Variants in VPS37A observed in about 807,000 individuals in gnomAD.
The protein encoded by VPS37A is VPS37A subunit of ESCRT-I.
In VPS37A, 30 loss-of-function variants were observed where a neutral mutation model predicts 49.8. That is an observed-to-expected ratio of 0.60 (90% confidence interval 0.45 to 0.82). VPS37A has a LOEUF of 0.82. Ranked by LOEUF, VPS37A falls within the 40% of genes least tolerant of loss-of-function variation. The probability of loss-of-function intolerance (pLI) is 0.00; values close to 1 mark genes in which losing one functional copy is unlikely to be tolerated. For synonymous variants in VPS37A, 195 were observed against 160.6 expected (o/e 1.21, Z -1.62); for missense variants, 593 against 464.4 (o/e 1.28, Z -2.55).
chr8:17,331,418 C>G, the VPS37A span: 1 of 892,472 alleles, frequency 1.1e-6, no homozygotes, highest in African/African-American at 1.7e-5. Context: ...ATTTGAATCA[C>G]TGCAACCTTG....
At chr8:17,301,353 G>A (rs1441790708), downstream of VPS37A, among the ~76,000 whole-genome samples, 1 of 152,188 alleles carries the variant, frequency 6.6e-6, no homozygotes, top group Non-Finnish European at 1.5e-5. Flanking sequence ...CATTTTAACA[G>A]GACTGTGAAA....
chr8:17,265,694 C>T (rs554290281), intron 1 of VPS37A: 41 of 1,326,990 alleles, frequency 3.1e-5, no homozygotes, highest in African/African-American at 1.6e-4. Flanking sequence ...ATCCCCCTTC[C>T]CCTGGATAGT....
At chr8:17,313,243 A>T in the VPS37A span, 1 of 1,384,678 alleles carries the variant, frequency 7.2e-7, no homozygotes, top group South Asian at 1.2e-5. Flanking sequence ...TTTTGAAGTC[A>T]GTGGTTTGCT....
intron 1 of VPS37A, among the ~76,000 whole-genome samples, chr8:17,264,164 C>A (rs1043314810): frequency 2.6e-5 from 4 of 151,988 alleles, no homozygotes; most frequent in Non-Finnish European, 5.9e-5. Context: ...GCTTAACTTA[C>A]CCATGACAGT....
downstream of VPS37A, among the ~76,000 whole-genome samples, chr8:17,301,034 C>CTGGGT (rs1817076182): frequency 6.6e-6 from 1 of 152,202 alleles, no homozygotes; most frequent in Admixed American, 6.5e-5. Flanking sequence ...TTATGGACAC[C>CTGGGT]TGGGTTGTTC....
chr8:17,315,595 T>C, the VPS37A span, among the ~76,000 whole-genome samples: 1 of 152,172 alleles, frequency 6.6e-6, no homozygotes, highest in Admixed American at 6.6e-5. Flanking sequence ...CCGTACCTTC[T>C]GCTCAATTTT....
the VPS37A span, chr8:17,313,386 G>A: frequency 1.2e-6 from 2 of 1,610,744 alleles, no homozygotes; most frequent in Non-Finnish European, 8.5e-7. Context: ...CATGGAGGGA[G>A]ATTTAAGTTC....
intron 1 of VPS37A, among the ~76,000 whole-genome samples, chr8:17,256,630 T>TTTATTTA (rs1360489978): frequency 1.4e-5 from 2 of 145,326 alleles, no homozygotes; most frequent in Admixed American, 6.8e-5. Flanking sequence ...GCTGTGTAGG[T>TTTATTTA]TTTATTTATT....
chr8:17,322,709 C>T, the VPS37A span, among the ~76,000 whole-genome samples: 2 of 152,032 alleles, frequency 1.3e-5, no homozygotes, highest in Non-Finnish European at 2.9e-5. Context: ...CCTGTAGTCC[C>T]AGATACTCAG....
chr8:17,252,836 T>G (rs990760840), intron 1 of VPS37A, among the ~76,000 whole-genome samples: 1 of 152,264 alleles, frequency 6.6e-6, no homozygotes, highest in Non-Finnish European at 1.5e-5. Flanking sequence ...GCATCTGTTA[T>G]GCCTTAGCCC....
chr8:17,308,404 T>C, the VPS37A span, among the ~76,000 whole-genome samples: 1 of 152,156 alleles, frequency 6.6e-6, no homozygotes, highest in Non-Finnish European at 1.5e-5. Flanking sequence ...TTCCTATGCT[T>C]TCCTGGAAAA....
intron 1 of VPS37A, chr8:17,247,861 T>C: frequency 1.5e-6 from 1 of 673,272 alleles, no homozygotes; most frequent in African/African-American, 1.8e-5. Flanking sequence ...TGAGAGTCAC[T>C]TATCACGTAG....
chr8:17,247,581 G>A lies in VPS37A; in HGVS notation c.125+212G>A, dbSNP rs558171777. On this transcript the variant is annotated intron_variant, in intron 1 of 11. Coordinates refer to ENST00000324849, the MANE Select transcript of VPS37A (RefSeq NM_152415.3). ...CTGCCTCCTGCCGCACCACTGCTCA[G>A]CGCTTCTAACTCGGATTTCCTCATC... is the stretch of plus-strand genomic sequence containing the variant. 12 of 740,730 alleles carry A rather than the reference G, an allele frequency of 1.6e-5. No individual in the cohort carries two copies. In the East Asian group the frequency reaches 3.2e-4, roughly 20 times the overall value. 45.9% of individuals were successfully genotyped at this position (740,730 alleles called of 1,614,324 possible).
At chr8:17,324,924 C>T in the VPS37A span, among the ~76,000 whole-genome samples, 1 of 152,138 alleles carries the variant, frequency 6.6e-6, no homozygotes, top group Non-Finnish European at 1.5e-5. Flanking sequence ...TACAGCTTTT[C>T]ATTAGCTCAC....
chr8:17,261,031 T>C (rs1812916750), intron 1 of VPS37A, among the ~76,000 whole-genome samples: 1 of 152,222 alleles, frequency 6.6e-6, no homozygotes, highest in Non-Finnish European at 1.5e-5. Context: ...TGGAAGTTTT[T>C]CTGTGACTAT....
At chr8:17,313,901 A>T in the VPS37A span, among the ~76,000 whole-genome samples, 1 of 152,296 alleles carries the variant, frequency 6.6e-6, no homozygotes, top group South Asian at 2.1e-4. Context: ...AAATGATCAA[A>T]CTCCTCTTGC....
At chr8:17,317,023 T>C in the VPS37A span, among the ~76,000 whole-genome samples, 1 of 152,184 alleles carries the variant, frequency 6.6e-6, no homozygotes, top group African/African-American at 2.4e-5. Flanking sequence ...TGCTGATGCT[T>C]TAAGTTTTGC....
In VPS37A at chr8:17,297,207, A is replaced by G. The variant is rs7833245; in HGVS notation, c.*2221A>G. 13 of 152,186 alleles carry G rather than the reference A, an allele frequency of 8.5e-5. No homozygotes were observed. Among genetic ancestry groups the G allele is most frequent in the Non-Finnish European group, 1.9e-4 (13 of 68,008 alleles). The allele number at this position is 152,186 out of a possible 1,614,324, so 9.4% of individuals were successfully genotyped here. A position where few individuals can be genotyped will look rare whatever the true frequency, so the allele number is the denominator to read the frequency against. ...ATACTTAGGAGTTACTAGGCTAATCAGTGTACGAATTTGTCATAGGTAGAG... is the reference window on the plus strand; with the variant it reads ...ATACTTAGGAGTTACTAGGCTAATCGGTGTACGAATTTGTCATAGGTAGAG... On this transcript the variant is annotated 3_prime_UTR_variant, in exon 12 of 12. Coordinates refer to ENST00000324849, the MANE Select transcript of VPS37A (RefSeq NM_152415.3).
rs1251290163 is a variant in VPS37A, at chr8:17,286,351, G to C, written c.1118G>C (p.Cys373Ser). Residue 373 changes from cysteine (C) to serine (S), a missense_variant, in exon 11 of 12, where the codon TGC becomes TCC. Physicochemically the swap from Cys to Ser is moderately radical, Grantham distance 112 (BLOSUM62 -1). Coordinates refer to ENST00000324849, the MANE Select transcript of VPS37A (RefSeq NM_152415.3). ...LSSFMEKRTI[C>S]HCRRAKEEKL... is the part of the protein sequence containing the mutation. Reference sequence around the variant, plus strand: ...TTTCAAAAATTTATTTTCTAGATTTGCCACTGTAGAAGAGCCAAGGAAGAG... The same window carrying C: ...TTTCAAAAATTTATTTTCTAGATTTCCCACTGTAGAAGAGCCAAGGAAGAG... The C allele has an allele frequency of 6.2e-7, 1 of 1,612,868 alleles. No individual in the cohort carries two copies. Among genetic ancestry groups the C allele is most frequent in the Admixed American group, 1.7e-5 (1 of 59,818 alleles).
Sources: gnomAD v4.1 joint callset for allele counts (sites outside exome capture counted in the v4.1 genomes callset) on GRCh38, gnomAD v4.1.1 for gene constraint, MANE v1.5 for transcripts, NCBI Gene and HGNC (gene_info 2026-07-23, HGNC 2026-07-21) for gene names.